The following AOX1 variants were observed in gnomAD, a reference collection of about 807,000 sequenced individuals.
AOX1 encodes the protein aldehyde oxidase 1, also known as aldehyde oxidase.
AOX1 carries 153 observed loss-of-function variants against 169.5 expected under a neutral mutation model. The ratio of observed to expected loss-of-function variants is 0.90; its 90% CI spans 0.79 to 1.03. The LOEUF (loss-of-function observed/expected upper bound fraction) is 1.03, where lower values mean the gene tolerates loss of function less well. Among genes scored for constraint, AOX1 ranks in the 50% least tolerant of loss-of-function variants. AOX1 has a pLI of 0.00. For synonymous variants in AOX1, 562 were observed against 581.9 expected (o/e 0.97, Z 0.49); for missense variants, 1,656 against 1,663.9 (o/e 1.00, Z 0.08).
intron 8 of AOX1, 74 bp downstream of exon 8, chr2:200,604,171 TTC>T: frequency 8.5e-7 from 1 of 1,171,646 alleles, no homozygotes; most frequent in Non-Finnish European, 1.3e-6. Context: ...TGTTTATGGG[TTC>T]TCTCAAAAGC....
intron 10 of AOX1, among the ~76,000 whole-genome samples, chr2:200,606,370 T>A (rs921327094): frequency 6.6e-6 from 1 of 152,236 alleles, no homozygotes; most frequent in African/African-American, 2.4e-5. Context: ...AGTACCATGC[T>A]GTTTTGGTTA....
At position 200,586,170 on chromosome 2, in the gene AOX1, T is replaced by G. The variant is rs371232044; in HGVS notation, c.45+17T>G. 6.4e-7 allele frequency: 1 copy of G among 1,552,806 alleles called. No individual in the cohort carries two copies. The highest frequency in any genetic ancestry group is 1.2e-5 in the South Asian group (1 of 84,120). ...GGCCGCAAGGTGAGCGCCCGCGGGCTTCCTCTGCCCCCAGACCTGCGGCCA... is the reference window on the plus strand; with the variant it reads ...GGCCGCAAGGTGAGCGCCCGCGGGCGTCCTCTGCCCCCAGACCTGCGGCCA... On this transcript the variant is annotated intron_variant, in intron 1 of 34. Transcript: ENST00000374700.
intron 31 of AOX1, among the ~76,000 whole-genome samples, chr2:200,663,259 G>A (rs967829132): frequency 2.6e-5 from 4 of 152,166 alleles, no homozygotes; most frequent in African/African-American, 4.8e-5. Flanking sequence ...CTTTCATGTA[G>A]ACTATTGGCA....
chr2:200,634,895 C>T lies in AOX1; in HGVS notation c.2326C>T (p.Gln776Ter), dbSNP rs1054044927. The T allele has an allele frequency of 5.0e-6, 8 of 1,614,054 alleles. No individual in the cohort carries two copies. The highest frequency in any genetic ancestry group is 1.7e-5 in the Admixed American group (1 of 60,012). ...DQEMDVYVSTQFPKYIQDIVA... is the reference protein window; with the variant it reads ...DQEMDVYVST ...AGAAATGGATGTCTACGTGTCCACA[C>T]AGTTTCCCAAATATATACAGGTAAC... is the stretch of plus-strand genomic sequence containing the variant. Residue 776 changes from glutamine (Q) to a stop codon, truncating the protein, a stop_gained, in exon 21 of 35, where the codon CAG becomes TAG. Coordinates refer to ENST00000374700, the MANE Select transcript of AOX1 (RefSeq NM_001159.4). LOFTEE classifies it high-confidence loss of function.
intron 8 of AOX1, 70 bp downstream of exon 8, chr2:200,604,167 T>C: frequency 1.7e-6 from 2 of 1,205,678 alleles, no homozygotes; most frequent in Non-Finnish European, 2.5e-6. Flanking sequence ...TATTTGTTTA[T>C]GGGTTCTCTC....
chr2:200,656,017 A>AT (rs2035674962), intron 26 of AOX1, among the ~76,000 whole-genome samples: 1 of 152,234 alleles, frequency 6.6e-6, no homozygotes, highest in Admixed American at 6.5e-5. Flanking sequence ...CTAGATTATT[A>AT]TGTCACTCTG....
intron 1 of AOX1, among the ~76,000 whole-genome samples, chr2:200,592,573 G>A (rs561340085): frequency 6.6e-6 from 1 of 152,222 alleles, no homozygotes; most frequent in African/African-American, 2.4e-5. Context: ...CCATGAACTT[G>A]CCTAAGTATG....
At chr2:200,635,493 G>A (rs1261461863) in intron 21 of AOX1, among the ~76,000 whole-genome samples, 1 of 152,146 alleles carries the variant, frequency 6.6e-6, no homozygotes, top group Non-Finnish European at 1.5e-5. Context: ...AGTTTGCTGA[G>A]GGCTAGAATC....
At chr2:200,648,553 G>T (rs950182497) in intron 25 of AOX1, among the ~76,000 whole-genome samples, 1 of 152,208 alleles carries the variant, frequency 6.6e-6, no homozygotes, top group South Asian at 2.1e-4. Flanking sequence ...CTCTATTTTT[G>T]TGCTGGTTGG....
At chr2:200,647,978 T>C (rs1339299587) in intron 25 of AOX1, among the ~76,000 whole-genome samples, 2 of 152,228 alleles carry the variant, frequency 1.3e-5, no homozygotes, top group African/African-American at 2.4e-5. Flanking sequence ...TCCTTGAATA[T>C]TTCTCCCTAA....
chr2:200,615,416 G>A (rs2034730976), intron 15 of AOX1, among the ~76,000 whole-genome samples: 1 of 152,168 alleles, frequency 6.6e-6, no homozygotes, highest in Admixed American at 6.5e-5. Flanking sequence ...TCAGTCTTGT[G>A]TAAAGAACCA....
intron 29 of AOX1, 39 bp from the exon 30 acceptor site, chr2:200,661,540 G>A: frequency 6.5e-7 from 1 of 1,539,246 alleles, no homozygotes; most frequent in Non-Finnish European, 8.9e-7. Flanking sequence ...TCTTTCTTTG[G>A]GCATCCTTGT....
chr2:200,640,414 G>A (rs2035331062), intron 23 of AOX1, among the ~76,000 whole-genome samples: 1 of 152,162 alleles, frequency 6.6e-6, no homozygotes. Context: ...GGAGGCAGCT[G>A]ATGCATTCAG....
intron 20 of AOX1, among the ~76,000 whole-genome samples, chr2:200,628,886 C>T (rs1210905891): frequency 6.6e-6 from 1 of 152,124 alleles, no homozygotes; most frequent in Non-Finnish European, 1.5e-5. Context: ...GAGATTGCAC[C>T]ACTGCACTCC....
At chr2:200,656,965 T>C in intron 27 of AOX1, 28 bp downstream of exon 27, 1 of 1,462,784 alleles carries the variant, frequency 6.8e-7, no homozygotes, top group Non-Finnish European at 9.3e-7. Flanking sequence ...TCGATTGAGT[T>C]GGGTGTGTGC....
rs146913502 is a variant in AOX1 at position 200,662,895 on chromosome 2, C to T, written c.3469C>T (p.Gln1157Ter). 33 of 1,613,920 alleles carry T rather than the reference C, an allele frequency of 2.0e-5. No homozygotes were observed. The highest frequency in any genetic ancestry group is 2.6e-5 in the Non-Finnish European group (31 of 1,179,944). Residue 1157 changes from glutamine (Q) to a stop codon, truncating the protein, a stop_gained, in exon 31 of 35, where the codon CAG becomes TAG. Coordinates refer to ENST00000374700, the MANE Select transcript of AOX1 (RefSeq NM_001159.4). LOFTEE classifies it high-confidence loss of function. ...CATGAACTGGGAGAAAGGCGAAGGC[C>T]AGCCCTTCGAATACTTTGTTTATGG... Reference protein sequence around the residue: ...SDMNWEKGEGQPFEYFVYGAA... With the variant: ...SDMNWEKGEG
chr2:200,677,965 G>A (rs1188960269), downstream of AOX1, among the ~76,000 whole-genome samples: 1 of 152,162 alleles, frequency 6.6e-6, no homozygotes, highest in Non-Finnish European at 1.5e-5. Context: ...AAGCACTAGA[G>A]GGACCCTGGC....
chr2:200,652,115 G>C (rs1486270971), intron 26 of AOX1, among the ~76,000 whole-genome samples: 1 of 152,158 alleles, frequency 6.6e-6, no homozygotes, highest in Non-Finnish European at 1.5e-5. Flanking sequence ...AGGGGCGTTA[G>C]TGTGGATGTT....
intron 14 of AOX1, 129 bp from the exon 15 acceptor site, chr2:200,613,675 G>A (rs530984183): frequency 1.6e-5 from 14 of 884,790 alleles, no homozygotes; most frequent in African/African-American, 1.4e-4. Flanking sequence ...ATTTGAACTC[G>A]GGCTGCCTGA....
Sources: allele counts gnomAD v4.1 joint callset (sites outside exome capture counted in the v4.1 genomes callset), GRCh38; gene constraint gnomAD v4.1.1; transcripts MANE v1.5; gene names NCBI Gene and HGNC (gene_info 2026-07-23, HGNC 2026-07-21).